The following IL1RAPL1 variants were observed in gnomAD, a reference collection of about 807,000 sequenced individuals.
The protein encoded by IL1RAPL1 is interleukin-1 receptor accessory protein-like 1.
IL1RAPL1 carries 3 observed loss-of-function variants against 48.4 expected under a neutral mutation model. That is an observed-to-expected ratio of 0.06 (90% confidence interval 0.03 to 0.16). The LOEUF is 0.16. Ranked by LOEUF, IL1RAPL1 falls within the 10% of genes least tolerant of loss-of-function variation. The pLI is 1.00. For missense variants in IL1RAPL1, 349 were observed against 530.6 expected, an observed-to-expected ratio of 0.66 and a Z score of 3.36; for synonymous variants, 185 against 187.7, an observed-to-expected ratio of 0.99 and a Z score of 0.12.
At chrX:29,873,391 T>A (rs1480049474) in intron 6 of IL1RAPL1, among the ~76,000 whole-genome samples, 5 of 93,998 alleles carry the variant, frequency 5.3e-5, no homozygotes, top group Admixed American at 3.7e-4. Flanking sequence ...CCCCCCCCAA[T>A]TATATGTTGA....
At chrX:28,907,097 G>A (rs1029932106) in intron 2 of IL1RAPL1, among the ~76,000 whole-genome samples, 1 of 110,495 alleles carries the variant, frequency 9.1e-6, no homozygotes, top group Non-Finnish European at 1.9e-5. Flanking sequence ...TGTCTTGTTG[G>A]GGAAGTCCAC....
At chrX:29,658,988 A>G (rs1925765198) in intron 5 of IL1RAPL1, among the ~76,000 whole-genome samples, 1 of 112,246 alleles carries the variant, frequency 8.9e-6, no homozygotes, top group Non-Finnish European at 1.9e-5. Flanking sequence ...CAATTGACAC[A>G]TTCATTGCAA....
At chrX:29,913,438 A>G (rs1932775917) in intron 6 of IL1RAPL1, among the ~76,000 whole-genome samples, 1 of 110,528 alleles carries the variant, frequency 9.0e-6, no homozygotes, top group South Asian at 3.9e-4. Flanking sequence ...ATATATAAAC[A>G]CACATATATA....
chrX:29,916,499 C>T (rs1176504192), intron 6 of IL1RAPL1, among the ~76,000 whole-genome samples: 2 of 111,797 alleles, frequency 1.8e-5, no homozygotes, highest in African/African-American at 6.5e-5. Context: ...CAGCCCCTCA[C>T]GTGGTGCCCA....
intron 3 of IL1RAPL1, among the ~76,000 whole-genome samples, chrX:29,321,378 T>C (rs1602169467): frequency 8.9e-6 from 1 of 112,168 alleles, no homozygotes; most frequent in East Asian, 2.8e-4. Context: ...CTAGCTAAAG[T>C]GCTGACATCA....
rs771850858 is a variant in IL1RAPL1, at chrX:28,618,647, A to AT, written c.-25+30607dup. Among the ~76,000 whole-genome samples, 329 of 112,068 alleles carry AT rather than the reference A, an allele frequency of 2.9e-3. 1 individual carries two copies. Among genetic ancestry groups the AT allele is most frequent in the African/African-American group, 0.01 (314 of 30,916 alleles). ...ATCAAGAACAACTTTAATTTTCAGC[A>AT]TTTTTTTCAAAATTACTAGGGAAAT... On this transcript the variant is annotated intron_variant, in intron 1 of 10. Transcript: ENST00000378993.
At chrX:28,621,430 C>T (rs1934284107) in intron 1 of IL1RAPL1, among the ~76,000 whole-genome samples, 1 of 112,002 alleles carries the variant, frequency 8.9e-6, no homozygotes, top group South Asian at 3.7e-4. Context: ...CTCCTGACCA[C>T]TCTATGCCAC....
At chrX:28,974,598 A>T in intron 2 of IL1RAPL1, among the ~76,000 whole-genome samples, 1 of 111,941 alleles carries the variant, frequency 8.9e-6, no homozygotes, top group Non-Finnish European at 1.9e-5. Flanking sequence ...TTTATATTTT[A>T]ATGTATATTT....
At chrX:28,685,957 A>G (rs1935105494) in intron 1 of IL1RAPL1, among the ~76,000 whole-genome samples, 1 of 112,028 alleles carries the variant, frequency 8.9e-6, no homozygotes, top group Admixed American at 9.5e-5. Context: ...AGTTGAGTAG[A>G]TTCAGTGGCA....
chrX:28,736,368 A>G (rs189177152), intron 1 of IL1RAPL1, among the ~76,000 whole-genome samples: 1 of 108,375 alleles, frequency 9.2e-6, no homozygotes, highest in East Asian at 2.9e-4. Context: ...CAGGAGGCAG[A>G]GGTTGCAGTG....
intron 6 of IL1RAPL1, among the ~76,000 whole-genome samples, chrX:29,826,914 A>G (rs1397658292): frequency 1.8e-5 from 2 of 111,864 alleles, no homozygotes; most frequent in Non-Finnish European, 3.8e-5. Context: ...TCTATGTTCA[A>G]CTTTTTGAGG....
At chrX:28,906,459 T>G (rs1386284363) in intron 2 of IL1RAPL1, among the ~76,000 whole-genome samples, 6 of 111,738 alleles carry the variant, frequency 5.4e-5, no homozygotes, top group East Asian at 5.7e-4. Flanking sequence ...AATAGGAAAC[T>G]TGGGCCATGG....
intron 1 of IL1RAPL1, among the ~76,000 whole-genome samples, chrX:28,738,263 G>T (rs925633092): frequency 2.7e-5 from 3 of 111,512 alleles, no homozygotes; most frequent in Non-Finnish European, 5.6e-5. Context: ...GGCCCAAGCA[G>T]CCCAGTTTTA....
At chrX:29,538,266 A>G (rs915376289) in intron 5 of IL1RAPL1, among the ~76,000 whole-genome samples, 18 of 109,361 alleles carry the variant, frequency 1.6e-4, no homozygotes, top group Non-Finnish European at 3.4e-4. Context: ...CTAGAAAACC[A>G]CAAAGTAAAT....
At chrX:29,324,899 C>T (rs1279727180) in intron 3 of IL1RAPL1, among the ~76,000 whole-genome samples, 1 of 111,680 alleles carries the variant, frequency 9.0e-6, no homozygotes, top group Non-Finnish European at 1.9e-5. Context: ...GTGAAATTCA[C>T]TAGTTAGAAC....
At chrX:29,216,456 A>G (rs769098115) in intron 2 of IL1RAPL1, among the ~76,000 whole-genome samples, 8 of 110,984 alleles carry the variant, frequency 7.2e-5, no homozygotes, top group African/African-American at 9.9e-5. Flanking sequence ...TGGCCTCCAA[A>G]AGTGCTGGAA....
At chrX:29,698,046 C>T (rs373335089) in intron 6 of IL1RAPL1, among the ~76,000 whole-genome samples, 106 of 111,329 alleles carry the variant, frequency 9.5e-4, no homozygotes, top group African/African-American at 2.9e-3. Flanking sequence ...CCTCTCCTCC[C>T]CTCATCTTTA....
chrX:29,081,283 C>T (rs891005318), intron 2 of IL1RAPL1, among the ~76,000 whole-genome samples: 32 of 107,850 alleles, frequency 3.0e-4, no homozygotes, highest in African/African-American at 9.1e-4. Context: ...CTTGAACTCC[C>T]GACCTCAGGT....
intron 6 of IL1RAPL1, among the ~76,000 whole-genome samples, chrX:29,802,884 T>TACATATATGTGTATATATGTGTAC (rs1163795458): frequency 3.5e-5 from 3 of 84,935 alleles, no homozygotes; most frequent in Non-Finnish European, 6.7e-5. Context: ...CATATATGTA[T>TACATATATGTGTATATATGTGTAC]ATATGTATAC....
Sources: gnomAD v4.1 joint callset for allele counts (sites outside exome capture counted in the v4.1 genomes callset) on GRCh38, gnomAD v4.1.1 for gene constraint, MANE v1.5 for transcripts, NCBI Gene and HGNC (gene_info 2026-07-23, HGNC 2026-07-21) for gene names.